Variants in RORA observed in about 807,000 individuals in gnomAD.
The protein encoded by RORA is RAR related orphan receptor A.
RORA carries 7 observed loss-of-function variants against 69.5 expected under a neutral mutation model. The observed-to-expected ratio is 0.10, with a 90% CI of 0.06 to 0.19. The LOEUF (loss-of-function observed/expected upper bound fraction) is 0.19, where lower values mean the gene tolerates loss of function less well. RORA is among the 10% of genes least tolerant of loss of function. The pLI is 1.00. For synonymous variants in RORA, 261 were observed against 240.8 expected (o/e 1.08, Z -0.78); for missense variants, 457 against 663.0 (o/e 0.69, Z 3.41).
At chr15:60,704,802 G>A (rs557145368) in intron 1 of RORA, among the ~76,000 whole-genome samples, 4 of 152,182 alleles carry the variant, frequency 2.6e-5, no homozygotes, top group South Asian at 2.1e-4. Flanking sequence ...GTTACCTTTC[G>A]GTATTGTACA....
At chr15:60,986,551 G>C (rs1595862640) in intron 1 of RORA, among the ~76,000 whole-genome samples, 1 of 152,164 alleles carries the variant, frequency 6.6e-6, no homozygotes, top group African/African-American at 2.4e-5. Flanking sequence ...GCTGGTAACT[G>C]TCTTTGGCCA....
chr15:60,740,866 A>G (rs1343077908), intron 1 of RORA, among the ~76,000 whole-genome samples: 1 of 152,208 alleles, frequency 6.6e-6, no homozygotes, highest in Non-Finnish European at 1.5e-5. Context: ...GTTGCTACCA[A>G]TAGAGGGTGG....
At chr15:60,706,856 A>G (rs1459701479) in intron 1 of RORA, among the ~76,000 whole-genome samples, 2 of 152,232 alleles carry the variant, frequency 1.3e-5, no homozygotes, top group Non-Finnish European at 2.9e-5. Flanking sequence ...TACCTCCCAA[A>G]AAGGAAAAAG....
intron 1 of RORA, among the ~76,000 whole-genome samples, chr15:60,832,348 A>T (rs2073053504): frequency 6.6e-6 from 1 of 152,194 alleles, no homozygotes; most frequent in African/African-American, 2.4e-5. Flanking sequence ...GAAATCCGGT[A>T]GTCTGGGCAA....
chr15:60,540,532 T>C (rs1022647881), intron 2 of RORA, among the ~76,000 whole-genome samples: 4 of 146,256 alleles, frequency 2.7e-5, no homozygotes, highest in African/African-American at 1.0e-4. Flanking sequence ...TAACAACCAT[T>C]GATTACTAAT....
At chr15:60,753,801 C>T (rs529523726) in intron 1 of RORA, among the ~76,000 whole-genome samples, 1 of 152,356 alleles carries the variant, frequency 6.6e-6, no homozygotes, top group South Asian at 2.1e-4. Flanking sequence ...ACAGACATCA[C>T]AAATGCATGA....
chr15:60,804,753 G>A (rs1458262634), intron 1 of RORA, among the ~76,000 whole-genome samples: 3 of 152,170 alleles, frequency 2.0e-5, no homozygotes, highest in Non-Finnish European at 2.9e-5. Flanking sequence ...ACAAAAATTA[G>A]TCTCATTGCA....
At chr15:60,696,366 G>A (rs2070905239) in intron 1 of RORA, among the ~76,000 whole-genome samples, 1 of 150,866 alleles carries the variant, frequency 6.6e-6, no homozygotes, top group Admixed American at 6.6e-5. Flanking sequence ...CACTTAGGCT[G>A]ATTTACAGAA....
intron 10 of RORA, among the ~76,000 whole-genome samples, chr15:60,498,422 C>T (rs370322934): frequency 3.9e-5 from 6 of 152,290 alleles, no homozygotes; most frequent in Middle Eastern, 3.4e-3. Flanking sequence ...GATAACTACA[C>T]GTTTCTTTTC....
chr15:61,166,080 G>A (rs1596040176), intron 1 of RORA, among the ~76,000 whole-genome samples: 1 of 152,202 alleles, frequency 6.6e-6, no homozygotes, highest in Non-Finnish European at 1.5e-5. Flanking sequence ...TGAGTGGGGG[G>A]CATCAGCCCA....
rs922406276 is a variant in RORA at position 61,226,814 on chromosome 15, C to A, written c.166+2239G>T. Among the ~76,000 whole-genome samples the A allele has an allele frequency of 2.0e-5, 3 of 152,062 alleles. No homozygotes were observed. The highest frequency in any genetic ancestry group is 6.5e-5 in the Admixed American group (1 of 15,268). ...GTTGAGTGTTTGGGCCTTACCACCC[C>A]CCTCCCATTAAATCTTCCAGGAGGG... On this transcript the variant is annotated intron_variant, in intron 1 of 10. Transcript: ENST00000335670. This position sits in a 1 kb window ranked among gnomAD's most constrained non-coding sequence, Gnocchi z 4.2.
chr15:61,079,531 G>A (rs62005642), intron 1 of RORA, among the ~76,000 whole-genome samples: 1 of 152,114 alleles, frequency 6.6e-6, no homozygotes, highest in Non-Finnish European at 1.5e-5. Flanking sequence ...TAGCTACGTC[G>A]ACTAGTTCAT....
intron 1 of RORA, among the ~76,000 whole-genome samples, chr15:61,013,354 T>C (rs1309127293): frequency 6.6e-6 from 1 of 152,200 alleles, no homozygotes; most frequent in African/African-American, 2.4e-5. Context: ...GCATGGCCCA[T>C]AAAGCCAAAC....
In RORA at chr15:60,989,340, T is replaced by C. The variant is rs1178830832; in HGVS notation, c.166+239713A>G. Among the ~76,000 whole-genome samples, 5 of 152,238 alleles carry C rather than the reference T, an allele frequency of 3.3e-5. No individual in the cohort carries two copies. The East Asian group carries it at 9.6e-4, about 29-fold the overall frequency. ...GTAATATCTGAACTTTTGTGTATGG[T>C]CTTTCTTTTAGCTTAATATTCTCAA... On this transcript the variant is annotated intron_variant, in intron 1 of 10. Coordinates refer to ENST00000335670, the MANE Select transcript of RORA (RefSeq NM_134261.3).
intron 1 of RORA, among the ~76,000 whole-genome samples, chr15:60,888,165 C>T (rs2073772491): frequency 6.6e-6 from 1 of 152,236 alleles, no homozygotes; most frequent in Non-Finnish European, 1.5e-5. Context: ...GGATGCACAA[C>T]ACTTCAATGG....
intron 1 of RORA, among the ~76,000 whole-genome samples, chr15:60,907,554 G>T (rs559033721): frequency 1.3e-5 from 2 of 152,222 alleles, no homozygotes; most frequent in South Asian, 4.2e-4. Flanking sequence ...TGAATTATTC[G>T]TGCTAGAAGA....
chr15:61,078,926 G>A (rs761832040), intron 1 of RORA, among the ~76,000 whole-genome samples: 1 of 152,024 alleles, frequency 6.6e-6, no homozygotes, highest in Non-Finnish European at 1.5e-5. Flanking sequence ...GCTCTACAAG[G>A]TCCACTCTTT....
rs2078545366 is a variant in RORA at position 61,081,798 on chromosome 15, ACT to A, written c.166+147253_166+147254del. Among the ~76,000 whole-genome samples the A allele has an allele frequency of 2.1e-5, 3 of 143,224 alleles. No homozygotes were observed. The South Asian group carries it at 6.6e-4, about 32-fold the overall frequency. The allele number at this position is 143,224 out of a possible 152,430, so 94.0% of individuals were successfully genotyped here. A position where few individuals can be genotyped will look rare whatever the true frequency, so the allele number is the denominator to read the frequency against. The stretch of plus-strand genomic sequence containing the variant: ...ACTCCAGCCTAGGCAACAGAGCAAG[ACT>A]CTGTCTCAAAAAAAAAAAAAAAAGA... On this transcript the variant is annotated intron_variant, in intron 1 of 10. Coordinates refer to ENST00000335670, the MANE Select transcript of RORA (RefSeq NM_134261.3).
intron 1 of RORA, among the ~76,000 whole-genome samples, chr15:60,907,250 G>C (rs1288591202): frequency 6.6e-6 from 1 of 152,192 alleles, no homozygotes; most frequent in Non-Finnish European, 1.5e-5. Flanking sequence ...GGAAGAAGAG[G>C]CTTGGAGGCA....
Sources: allele counts gnomAD v4.1 joint callset (sites outside exome capture counted in the v4.1 genomes callset), GRCh38; gene constraint gnomAD v4.1.1; non-coding constraint Gnocchi (gnomAD v3.1); transcripts MANE v1.5; gene names NCBI Gene and HGNC (gene_info 2026-07-23, HGNC 2026-07-21).